The following CENPP variants were observed in gnomAD, a reference collection of about 807,000 sequenced individuals.
CENPP encodes centromere protein P.
In CENPP, 24 loss-of-function variants were observed where a neutral mutation model predicts 35.6. That is an observed-to-expected ratio of 0.67 (90% CI 0.49 to 0.95). The LOEUF (loss-of-function observed/expected upper bound fraction) is 0.95, where lower values mean the gene tolerates loss of function less well. CENPP is among the 40% of genes least tolerant of loss of function. The probability of loss-of-function intolerance (pLI) is 0.00; values close to 1 mark genes in which losing one functional copy is unlikely to be tolerated. For synonymous variants in CENPP, 120 were observed against 125.5 expected, an observed-to-expected ratio of 0.96 and a Z score of 0.29; for missense variants, 332 against 345.3, an observed-to-expected ratio of 0.96 and a Z score of 0.31.
At chr9:92,362,388 T>TTTTG (rs113362712) in intron 4 of CENPP, among the ~76,000 whole-genome samples, 5,409 of 152,298 alleles carry the variant, frequency 0.036, 129 homozygotes, top group South Asian at 0.085. Flanking sequence ...CTTTCCACTT[T>TTTTG]TTTGTTTGTT....
At chr9:92,600,441 A>G (rs1268072343) in intron 5 of CENPP, 1 of 1,612,798 alleles carries the variant, frequency 6.2e-7, no homozygotes, top group South Asian at 1.1e-5. Flanking sequence ...CTGTACAAAC[A>G]AGAAAAGTTG....
rs187017998 is a variant in CENPP at position 92,586,697 on chromosome 9, T to A, written c.565-24617T>A. Reference sequence around the variant, plus strand: ...AAAGACTGGGAGAATCATTTTTTTTTTTATTTTCTTTGATCTCCAGACATC... The same window carrying A: ...AAAGACTGGGAGAATCATTTTTTTTATTATTTTCTTTGATCTCCAGACATC... On this transcript the variant is annotated intron_variant, in intron 5 of 7. Transcript: ENST00000375587. Among the ~76,000 whole-genome samples the A allele has an allele frequency of 2.3e-4, 35 of 152,210 alleles. No homozygotes were observed. The East Asian group carries it at 6.6e-3, about 29-fold the overall frequency.
intron 5 of CENPP, among the ~76,000 whole-genome samples, chr9:92,488,756 A>G (rs1229696943): frequency 2.0e-5 from 3 of 152,260 alleles, no homozygotes; most frequent in Non-Finnish European, 1.5e-5. Flanking sequence ...ATCAATTGAT[A>G]GTTTAATGTA....
rs551200941 is a variant in CENPP at position 92,459,761 on chromosome 9, T to G, written c.564+79902T>G. On this transcript the variant is annotated intron_variant, in intron 5 of 7. Coordinates refer to ENST00000375587, the MANE Select transcript of CENPP (RefSeq NM_001012267.3). Reference sequence around the variant, plus strand: ...CGATATCTGTGATTTTGTTGTTTCCTAGGCCCAGCCTAAAAATGATATAAA... The same window carrying G: ...CGATATCTGTGATTTTGTTGTTTCCGAGGCCCAGCCTAAAAATGATATAAA... 158 of 1,613,552 alleles carry G rather than the reference T, an allele frequency of 9.8e-5. 2 individuals carry two copies. The South Asian group carries it at 1.1e-3, about 11-fold the overall frequency.
intron 5 of CENPP, chr9:92,517,457 C>A (rs1488619299): frequency 1.6e-5 from 10 of 616,304 alleles, no homozygotes; most frequent in Non-Finnish European, 2.2e-5. Context: ...TAATCTCATC[C>A]AAGTTTACTG....
At chr9:92,461,005 A>C (rs141054431) in intron 5 of CENPP, among the ~76,000 whole-genome samples, 2 of 152,338 alleles carry the variant, frequency 1.3e-5, no homozygotes, top group African/African-American at 2.4e-5. Context: ...TTAACTTCTT[A>C]TTATGGTAAA....
intron 5 of CENPP, among the ~76,000 whole-genome samples, chr9:92,407,801 C>T (rs968776144): frequency 4.6e-5 from 7 of 152,006 alleles, no homozygotes; most frequent in Non-Finnish European, 8.8e-5. Flanking sequence ...ATTGTAGAGA[C>T]GGGGTCCTCT....
chr9:92,438,075 T>TA (rs1278472702), intron 5 of CENPP, among the ~76,000 whole-genome samples: 1 of 152,364 alleles, frequency 6.6e-6, no homozygotes, highest in East Asian at 1.9e-4. Context: ...CCCATAGTGC[T>TA]GGGATTACAG....
chr9:92,438,277 AG>A lies in CENPP; in HGVS notation c.564+58420del, dbSNP rs781300322. Among the ~76,000 whole-genome samples, 21 of 152,210 alleles carry A rather than the reference AG, an allele frequency of 1.4e-4. No individual in the cohort carries two copies. In the East Asian group the frequency reaches 2.9e-3, roughly 21 times the overall value. ...TGATTTAATTTTTGTGTGTGGTGTG[AG>A]GTTAGGATCTAAGTTCACTTTTTTG... On this transcript the variant is annotated intron_variant, in intron 5 of 7. Transcript: ENST00000375587.
At chr9:92,547,011 T>C (rs888159655) in intron 5 of CENPP, among the ~76,000 whole-genome samples, 1 of 152,146 alleles carries the variant, frequency 6.6e-6, no homozygotes, top group Non-Finnish European at 1.5e-5. Flanking sequence ...GTCTCACTAA[T>C]GAACATAGAT....
chr9:92,578,211 T>A (rs1025393538), intron 5 of CENPP, among the ~76,000 whole-genome samples: 2 of 152,078 alleles, frequency 1.3e-5, no homozygotes, highest in African/African-American at 4.8e-5. Context: ...GTTGGGCATT[T>A]GGGTTGGTTC....
chr9:92,555,077 T>C (rs1005809478), intron 5 of CENPP, among the ~76,000 whole-genome samples: 1 of 152,046 alleles, frequency 6.6e-6, no homozygotes, highest in African/African-American at 2.4e-5. Context: ...TGATGCTGGC[T>C]TCATAGAATG....
chr9:92,363,300 CAAAT>C (rs1348085474), intron 4 of CENPP, among the ~76,000 whole-genome samples: 6 of 152,130 alleles, frequency 3.9e-5, no homozygotes, highest in African/African-American at 9.7e-5. Context: ...TTCATGTGCA[CAAAT>C]AGTCATGTGC....
Position 92,523,659 on chromosome 9 carries a change from G to C in CENPP, c.565-87655G>C, listed in dbSNP as rs116130428. 7.2e-3 allele frequency among the ~76,000 whole-genome samples: 1,104 copies of C among 152,342 alleles called. 16 individuals are homozygous for C. The highest frequency in any genetic ancestry group is 0.025 in the African/African-American group (1,040 of 41,574). On this transcript the variant is annotated intron_variant, in intron 5 of 7. Coordinates refer to ENST00000375587, the MANE Select transcript of CENPP (RefSeq NM_001012267.3). Reference sequence around the variant, plus strand: ...ATAGGCGTAATCTATAGCAGTAGCGGTTTAAATGAATCTCCTTTGTGCTTA... The same window carrying C: ...ATAGGCGTAATCTATAGCAGTAGCGCTTTAAATGAATCTCCTTTGTGCTTA...
rs570413807 is a variant in CENPP at position 92,358,542 on chromosome 9, C to T, written c.467+12755C>T. Among the ~76,000 whole-genome samples the T allele has an allele frequency of 5.9e-5, 9 of 152,308 alleles. No homozygotes were observed. The South Asian group carries it at 1.7e-3, about 28-fold the overall frequency. On this transcript the variant is annotated intron_variant, in intron 4 of 7. Coordinates refer to ENST00000375587, the MANE Select transcript of CENPP (RefSeq NM_001012267.3). Reference sequence around the variant, plus strand: ...TACAGGCATGAGCCACCACGCTCAGCTAGTTTCCTTACATTCTGTTCACTT... The same window carrying T: ...TACAGGCATGAGCCACCACGCTCAGTTAGTTTCCTTACATTCTGTTCACTT...
At chr9:92,546,477 C>A (rs1293730992) in intron 5 of CENPP, among the ~76,000 whole-genome samples, 2 of 152,118 alleles carry the variant, frequency 1.3e-5, no homozygotes, top group Non-Finnish European at 1.5e-5. Context: ...CCAGCGAGTC[C>A]ACGAACCCAC....
intron 5 of CENPP, among the ~76,000 whole-genome samples, chr9:92,460,741 A>C (rs1053513213): frequency 2.6e-5 from 4 of 152,130 alleles, no homozygotes; most frequent in African/African-American, 9.7e-5. Flanking sequence ...CAGTGCCGTG[A>C]TATCAGCTTA....
At chr9:92,381,441 T>C (rs879507535) in intron 5 of CENPP, among the ~76,000 whole-genome samples, 1 of 152,060 alleles carries the variant, frequency 6.6e-6, no homozygotes, top group East Asian at 1.9e-4. Flanking sequence ...CACGCCACCA[T>C]GTCAGCTAAT....
chr9:92,459,129 C>A (rs1460039981), intron 5 of CENPP, among the ~76,000 whole-genome samples: 3 of 152,156 alleles, frequency 2.0e-5, no homozygotes, highest in African/African-American at 7.2e-5. Context: ...ACTCATGATG[C>A]TCCAGATGGT....
Sources: allele counts gnomAD v4.1 joint callset (sites outside exome capture counted in the v4.1 genomes callset), GRCh38; gene constraint gnomAD v4.1.1; transcripts MANE v1.5; gene names NCBI Gene and HGNC (gene_info 2026-07-23, HGNC 2026-07-21).